Variants in TAMM41 observed in about 807,000 individuals in gnomAD.
The protein encoded by TAMM41 is phosphatidate cytidylyltransferase, mitochondrial.
A neutral mutation model predicts 44.1 loss-of-function variants in TAMM41; 36 were observed. The observed-to-expected ratio is 0.82, with a 90% CI of 0.63 to 1.08. TAMM41 has a LOEUF of 1.08. Ranked by LOEUF, TAMM41 falls within the 50% of genes least tolerant of loss-of-function variation. The pLI is 0.00. For synonymous variants in TAMM41, 164 were observed against 153.1 expected (o/e 1.07, Z -0.53); for missense variants, 417 against 404.3 (o/e 1.03, Z -0.27).
At chr3:11,762,190 T>C in the TAMM41 span, among the ~76,000 whole-genome samples, 1 of 152,148 alleles carries the variant, frequency 6.6e-6, no homozygotes, top group Non-Finnish European at 1.5e-5. Flanking sequence ...TTCAGTATAG[T>C]GGGTTTTTTT....
downstream of TAMM41, among the ~76,000 whole-genome samples, chr3:11,790,218 A>G (rs1355751849): frequency 1.3e-5 from 2 of 152,200 alleles, no homozygotes; most frequent in African/African-American, 4.8e-5. Context: ...GAAATTTGTC[A>G]TGTCTGACTC....
At chr3:11,729,744 G>C in the TAMM41 span, among the ~76,000 whole-genome samples, 1 of 151,118 alleles carries the variant, frequency 6.6e-6, no homozygotes, top group Admixed American at 6.6e-5. Flanking sequence ...ATTTTTAGTA[G>C]AGACAGAGTT....
intron 4 of TAMM41, among the ~76,000 whole-genome samples, chr3:11,825,232 C>A (rs1273882532): frequency 6.6e-6 from 1 of 152,194 alleles, no homozygotes; most frequent in African/African-American, 2.4e-5. Context: ...ATTTCAGGGA[C>A]TGAATGAATG....
the TAMM41 span, among the ~76,000 whole-genome samples, chr3:11,772,067 TTTTC>T: frequency 6.8e-6 from 1 of 147,022 alleles, no homozygotes; most frequent in Admixed American, 6.9e-5. Flanking sequence ...CTGTTTTTCT[TTTTC>T]TTTTTTTCTT....
the TAMM41 span, among the ~76,000 whole-genome samples, chr3:11,759,236 C>T: frequency 2.6e-5 from 4 of 152,136 alleles, no homozygotes; most frequent in Admixed American, 2.0e-4. Flanking sequence ...AGCCCCACTC[C>T]GTACTGCTCA....
chr3:11,737,005 G>A, the TAMM41 span, among the ~76,000 whole-genome samples: 1 of 152,152 alleles, frequency 6.6e-6, no homozygotes, highest in Non-Finnish European at 1.5e-5. Context: ...CCAGGCTGCA[G>A]TGCAGGGAGA....
chr3:11,818,741 CAAA>C (rs1188692408), intron 4 of TAMM41, among the ~76,000 whole-genome samples: 1 of 151,800 alleles, frequency 6.6e-6, no homozygotes, highest in African/African-American at 2.4e-5. Flanking sequence ...CTAAAAAATA[CAAA>C]AAAATTAGCC....
the TAMM41 span, among the ~76,000 whole-genome samples, chr3:11,755,621 G>C: frequency 6.6e-6 from 1 of 152,090 alleles, no homozygotes; most frequent in Non-Finnish European, 1.5e-5. Flanking sequence ...TAAAAAGAAG[G>C]GCATTTCACG....
rs73813058 is a variant in TAMM41, at chr3:11,825,320, G to A, written c.562+4394C>T. ...CTTTCTATCCCTTCAGGAGTGCTGC[G>A]TTCTCAGAAATTAGCAAATGACTAC... is the stretch of plus-strand genomic sequence containing the variant. On this transcript the variant is annotated intron_variant, in intron 4 of 7. Coordinates refer to ENST00000455809, the MANE Select transcript of TAMM41 (RefSeq NM_001284401.2). 5.2e-3 allele frequency among the ~76,000 whole-genome samples: 791 copies of A among 152,270 alleles called. 11 individuals carry two copies. Among genetic ancestry groups the A allele is most frequent in the African/African-American group, 0.017 (722 of 41,552 alleles).
chr3:11,756,136 T>C, the TAMM41 span, among the ~76,000 whole-genome samples: 2 of 152,236 alleles, frequency 1.3e-5, no homozygotes, highest in Non-Finnish European at 2.9e-5. Flanking sequence ...TATAAAGTGC[T>C]CTGCACATAG....
At chr3:11,822,426 C>A (rs1220856430) in intron 4 of TAMM41, among the ~76,000 whole-genome samples, 1 of 152,216 alleles carries the variant, frequency 6.6e-6, no homozygotes, top group Non-Finnish European at 1.5e-5. Flanking sequence ...AGCCTCCCTA[C>A]AAGAAACCCC....
chr3:11,766,998 G>A, the TAMM41 span, among the ~76,000 whole-genome samples: 2 of 152,174 alleles, frequency 1.3e-5, no homozygotes, highest in Non-Finnish European at 2.9e-5. Context: ...ATTTTGCAAT[G>A]CTGTAATATT....
chr3:11,836,676 C>T (rs970455201), intron 3 of TAMM41, among the ~76,000 whole-genome samples: 1 of 152,090 alleles, frequency 6.6e-6, no homozygotes, highest in Non-Finnish European at 1.5e-5. Context: ...GATGGCCAGG[C>T]TGGTCTCGAA....
chr3:11,816,987 T>C, intron 5 of TAMM41: 1 of 490,532 alleles, frequency 2.0e-6, no homozygotes, highest in Non-Finnish European at 3.5e-6. Flanking sequence ...TGCCCCTAGT[T>C]CCCTTCTCCA....
chr3:11,809,751 G>C, intron 5 of TAMM41, 69 bp from the exon 6 acceptor site: 1 of 1,502,838 alleles, frequency 6.7e-7, no homozygotes, highest in South Asian at 1.3e-5. Flanking sequence ...CCAAAACTCA[G>C]GGCTTCTCTT....
chr3:11,793,059 C>CAA (rs61264653), intron 7 of TAMM41, among the ~76,000 whole-genome samples: 2,740 of 64,478 alleles, frequency 0.042, 258 homozygotes, highest in African/African-American at 0.14. Context: ...GGCCCCATCT[C>CAA]AAAAAAAAAA....
chr3:11,729,397 G>A, the TAMM41 span, among the ~76,000 whole-genome samples: 2 of 151,864 alleles, frequency 1.3e-5, 1 homozygote, highest in South Asian at 4.2e-4. Context: ...TGGTTTGAAT[G>A]AGGAAGCTTA....
rs141743022 is a variant in TAMM41 at position 11,822,955 on chromosome 3, C to CT, written c.563-5619dup. On this transcript the variant is annotated intron_variant, in intron 4 of 7. Transcript: ENST00000455809. ...TTTAACATTTGGAGGAACTGCCAGG[C>CT]TTTTTTCCAAAGCAGCTGTACCACT... 1.6e-4 allele frequency among the ~76,000 whole-genome samples: 24 copies of CT among 152,290 alleles called. No individual in the cohort carries two copies. In the East Asian group the frequency reaches 3.3e-3, roughly 21 times the overall value.
chr3:11,764,486 C>CTTTTTTTTTTTTTT, the TAMM41 span, among the ~76,000 whole-genome samples: 364 of 68,138 alleles, frequency 5.3e-3, 62 homozygotes, highest in East Asian at 0.021. Flanking sequence ...TAATCTTATT[C>CTTTTTTTTTTTTTT]TTTTTTTTTT....
Sources: allele counts gnomAD v4.1 joint callset (sites outside exome capture counted in the v4.1 genomes callset), GRCh38; gene constraint gnomAD v4.1.1; transcripts MANE v1.5; gene names NCBI Gene and HGNC (gene_info 2026-07-23, HGNC 2026-07-21).